TGFA: variants seen among roughly 807,000 people sequenced by gnomAD.
The protein encoded by TGFA is protransforming growth factor alpha.
TGFA carries 12 observed loss-of-function variants against 21.7 expected under a neutral mutation model. That is an observed-to-expected ratio of 0.55 (90% CI 0.35 to 0.90). The LOEUF (loss-of-function observed/expected upper bound fraction) is 0.90. Among genes scored for constraint, TGFA ranks in the 40% least tolerant of loss-of-function variants. TGFA has a pLI of 0.01. For missense variants in TGFA, 178 were observed against 210.8 expected (o/e 0.84, Z 0.96); for synonymous variants, 79 against 88.1 (o/e 0.90, Z 0.58).
At chr2:70,497,863 A>G (rs1237531385) in intron 2 of TGFA, among the ~76,000 whole-genome samples, 1 of 152,168 alleles carries the variant, frequency 6.6e-6, no homozygotes, top group Non-Finnish European at 1.5e-5. Context: ...GCAAATCTGT[A>G]TTTTCACAAA....
At chr2:70,453,048 T>C (rs1553489902) in intron 5 of TGFA, among the ~76,000 whole-genome samples, 170 bp downstream of exon 5, 1 of 151,560 alleles carries the variant, frequency 6.6e-6, no homozygotes, top group Non-Finnish European at 1.5e-5. Flanking sequence ...GGGTCCCTAC[T>C]AAGTAAAAGG....
At chr2:70,457,576 C>G (rs1355910830) in intron 3 of TGFA, among the ~76,000 whole-genome samples, 1 of 149,306 alleles carries the variant, frequency 6.7e-6, no homozygotes, top group Non-Finnish European at 1.5e-5. Context: ...GAGTCTCACT[C>G]TTGTGCCCAG....
rs1553504224 is a variant in TGFA at position 70,535,250 on chromosome 2, T to TA, written c.40+18477dup. ...CCACTGTGTACCTCATGCCATATTG[T>TA]AAAAAACTGTGTGTCTGCTCCTGCC... is the stretch of plus-strand genomic sequence containing the variant. On this transcript the variant is annotated intron_variant, in intron 1 of 5. Coordinates refer to ENST00000295400, the MANE Select transcript of TGFA (RefSeq NM_003236.4). 2.6e-5 allele frequency among the ~76,000 whole-genome samples: 4 copies of TA among 152,194 alleles called. No individual in the cohort carries two copies. The East Asian group carries it at 5.8e-4, about 22-fold the overall frequency.
At chr2:70,455,572 G>A (rs1287900238) in intron 4 of TGFA, among the ~76,000 whole-genome samples, 8 of 152,102 alleles carry the variant, frequency 5.3e-5, no homozygotes, top group Non-Finnish European at 1.0e-4. Context: ...TGTGGTTTTG[G>A]CCTTAAAAAG....
At position 70,447,596 on chromosome 2, in the gene TGFA, T is replaced by A. The variant is rs1418549671; in HGVS notation, c.*3263A>T. ...TAAAGATAATGAAAAGTTGACCATT[T>A]TAGTAAATTATTAAGACTAAGAAGA... On this transcript the variant is annotated 3_prime_UTR_variant, in exon 6 of 6. Transcript: ENST00000295400. 2 of 152,612 alleles carry A rather than the reference T, an allele frequency of 1.3e-5. No individual in the cohort carries two copies. The highest frequency in any genetic ancestry group is 6.5e-5 in the Admixed American group (1 of 15,282). The allele number at this position is 152,612 out of a possible 1,614,324, so 9.5% of individuals were successfully genotyped here.
At chr2:70,504,446 A>ATATG (rs1671842372) in intron 2 of TGFA, among the ~76,000 whole-genome samples, 1 of 77,978 alleles carries the variant, frequency 1.3e-5, no homozygotes. Context: ...ATATATATAT[A>ATATG]TATATATATA....
At chr2:70,514,989 C>T in intron 1 of TGFA, 77 bp from the exon 2 acceptor site, 2 of 1,401,246 alleles carry the variant, frequency 1.4e-6, no homozygotes, top group Non-Finnish European at 2.0e-6. Flanking sequence ...AGAGGGCAGG[C>T]CCTTTGACAG....
chr2:70,453,497 G>A (rs1212931192), intron 4 of TGFA, among the ~76,000 whole-genome samples, 170 bp from the exon 5 acceptor site: 2 of 152,228 alleles, frequency 1.3e-5, no homozygotes, highest in African/African-American at 2.4e-5. Context: ...TGAGGGCATT[G>A]TAGGGCAGTG....
At chr2:70,523,572 G>A (rs1048028616) in intron 1 of TGFA, among the ~76,000 whole-genome samples, 1 of 152,104 alleles carries the variant, frequency 6.6e-6, no homozygotes, top group South Asian at 2.1e-4. Flanking sequence ...CTTCCAGGTC[G>A]AGCTCAATCC....
chr2:70,538,441 A>G (rs1673037608), intron 1 of TGFA, among the ~76,000 whole-genome samples: 1 of 152,214 alleles, frequency 6.6e-6, no homozygotes, highest in Admixed American at 6.5e-5. Flanking sequence ...GAAATGATTC[A>G]CCATTCTAGA....
At chr2:70,484,435 T>G (rs1388544669) in intron 2 of TGFA, among the ~76,000 whole-genome samples, 2 of 152,234 alleles carry the variant, frequency 1.3e-5, no homozygotes, top group African/African-American at 4.8e-5. Flanking sequence ...ATATCCCGAT[T>G]ATTTTTTCTT....
intron 1 of TGFA, among the ~76,000 whole-genome samples, chr2:70,541,811 C>T (rs1194223076): frequency 6.6e-6 from 1 of 152,150 alleles, no homozygotes; most frequent in East Asian, 1.9e-4. Flanking sequence ...AGGCCCCAGG[C>T]TTGCTTTCAT....
chr2:70,516,876 C>CT (rs3834166), intron 1 of TGFA, among the ~76,000 whole-genome samples: 42,750 of 152,116 alleles, frequency 0.28, 7,740 homozygotes, highest in African/African-American at 0.51. Flanking sequence ...CAAACTGCCC[C>CT]GAACTAAAGA....
intron 2 of TGFA, among the ~76,000 whole-genome samples, chr2:70,468,145 G>T (rs961290291): frequency 6.6e-6 from 1 of 152,180 alleles, no homozygotes; most frequent in Non-Finnish European, 1.5e-5. Context: ...GAATATCCAC[G>T]TGATAAAACC....
At chr2:70,478,360 G>A (rs1316108748) in intron 2 of TGFA, among the ~76,000 whole-genome samples, 4 of 152,168 alleles carry the variant, frequency 2.6e-5, no homozygotes, top group South Asian at 2.1e-4. Context: ...AACCCTCTGG[G>A]CAGAAATCGC....
intron 1 of TGFA, among the ~76,000 whole-genome samples, chr2:70,519,285 T>A (rs991573544): frequency 6.6e-6 from 1 of 152,162 alleles, no homozygotes; most frequent in East Asian, 1.9e-4. Flanking sequence ...AAGGCTCCCA[T>A]GTAGGCATAA....
At chr2:70,489,985 C>G (rs1362401494) in intron 2 of TGFA, among the ~76,000 whole-genome samples, 1 of 152,134 alleles carries the variant, frequency 6.6e-6, no homozygotes, top group African/African-American at 2.4e-5. Flanking sequence ...ATGCCAGGGC[C>G]CACCCCCACA....
chr2:70,485,357 C>A (rs1671238443), intron 2 of TGFA, among the ~76,000 whole-genome samples: 1 of 152,160 alleles, frequency 6.6e-6, no homozygotes, highest in African/African-American at 2.4e-5. Flanking sequence ...TCTGCCTCAG[C>A]CTCCCGAGTA....
chr2:70,534,879 C>A (rs1477206884), intron 1 of TGFA, among the ~76,000 whole-genome samples: 1 of 152,122 alleles, frequency 6.6e-6, no homozygotes, highest in African/African-American at 2.4e-5. Context: ...ACTCCAGGCA[C>A]CTCAGCATCC....
Sources: allele counts gnomAD v4.1 joint callset (sites outside exome capture counted in the v4.1 genomes callset), GRCh38; gene constraint gnomAD v4.1.1; transcripts MANE v1.5; gene names NCBI Gene and HGNC (gene_info 2026-07-23, HGNC 2026-07-21).